The following LAMC1 variants were observed in gnomAD, a reference collection of about 807,000 sequenced individuals.
LAMC1 encodes the protein laminin subunit gamma 1.
In LAMC1, 38 loss-of-function variants were observed where a neutral mutation model predicts 173.6. The observed-to-expected ratio is 0.22, with a 90% CI of 0.17 to 0.29. The LOEUF (loss-of-function observed/expected upper bound fraction) is 0.29. LAMC1 is among the 10% of genes least tolerant of loss of function. The probability of loss-of-function intolerance (pLI) is 1.00; values close to 1 mark genes in which losing one functional copy is unlikely to be tolerated. For synonymous variants in LAMC1, 746 were observed against 749.1 expected (o/e 1.00, Z 0.07); for missense variants, 1,824 against 2,051.8 (o/e 0.89, Z 2.14).
chr1:183,136,326 A>T, intron 24 of LAMC1, 60 bp from the exon 25 acceptor site: 1 of 1,467,234 alleles, frequency 6.8e-7, no homozygotes, highest in Non-Finnish European at 9.5e-7. Flanking sequence ...GAACTCCCTG[A>T]AAGGCCCCCT....
chr1:183,102,231 T>G (rs1287619927), intron 1 of LAMC1, among the ~76,000 whole-genome samples: 1 of 152,202 alleles, frequency 6.6e-6, no homozygotes, highest in Non-Finnish European at 1.5e-5. Context: ...TCAACACTTC[T>G]GAGAGCACAG....
intron 1 of LAMC1, chr1:183,096,476 TC>T (rs1446233186): frequency 6.6e-6 from 1 of 152,194 alleles, no homozygotes. Flanking sequence ...CTTTCCATAT[TC>T]CATCTCTGTT....
chr1:183,090,437 T>G (rs1231263742), intron 1 of LAMC1, among the ~76,000 whole-genome samples: 1 of 152,216 alleles, frequency 6.6e-6, no homozygotes. Context: ...ACATTCTTAC[T>G]CGTCTGCAAA....
chr1:183,044,507 T>C (rs377546607), intron 1 of LAMC1, among the ~76,000 whole-genome samples: 23 of 152,256 alleles, frequency 1.5e-4, no homozygotes, highest in African/African-American at 5.3e-4. Flanking sequence ...CATTTAAATA[T>C]TCTTTGGCTC....
At chr1:183,089,883 C>G (rs1345500054) in intron 1 of LAMC1, among the ~76,000 whole-genome samples, 4 of 152,150 alleles carry the variant, frequency 2.6e-5, no homozygotes, top group Non-Finnish European at 5.9e-5. Context: ...TGGAGTTGCT[C>G]ATGCTAGGTA....
intron 1 of LAMC1, among the ~76,000 whole-genome samples, chr1:183,068,961 T>C (rs958617486): frequency 2.6e-5 from 4 of 151,710 alleles, no homozygotes; most frequent in African/African-American, 9.7e-5. Flanking sequence ...GAAAGAAAAG[T>C]GACACAGGTA....
chr1:183,082,798 C>T (rs116351644), intron 1 of LAMC1, among the ~76,000 whole-genome samples: 1,951 of 152,296 alleles, frequency 0.013, 17 homozygotes, highest in Middle Eastern at 0.027. Context: ...CGTATGGCAA[C>T]CATATCCCAG....
In LAMC1 at chr1:183,127,238, A is replaced by G. The variant is rs761844190; in HGVS notation, c.2957A>G (p.His986Arg). ...GPEGCKPCDCHPEGSLSLQCK... is the reference protein window; with the variant it reads ...GPEGCKPCDCRPEGSLSLQCK... ...CCTTATTCTGCAGCCTGTGACTGTC[A>G]TCCTGAGGGATCTCTTTCACTTCAG... Residue 986 changes from histidine to arginine, a missense_variant, in exon 17 of 28, where the codon CAT becomes CGT. Transcript: ENST00000258341. The G allele has an allele frequency of 1.2e-6, 2 of 1,613,954 alleles. No individual in the cohort carries two copies. Among genetic ancestry groups the G allele is most frequent in the Non-Finnish European group, 1.7e-6 (2 of 1,179,964 alleles).
At chr1:183,030,483 C>T (rs1653821867) in intron 1 of LAMC1, among the ~76,000 whole-genome samples, 1 of 152,150 alleles carries the variant, frequency 6.6e-6, no homozygotes, top group African/African-American at 2.4e-5. Context: ...TTATAAAACT[C>T]CCAGAACATT....
At position 183,058,123 on chromosome 1, in the gene LAMC1, C is replaced by T. The variant is rs568134471; in HGVS notation, c.418+33989C>T. The stretch of plus-strand genomic sequence containing the variant: ...TCTATGATGTAGTTTTCTAAAAGTT[C>T]GTCTCTATTGGCTACTTCATTTCTG... On this transcript the variant is annotated intron_variant, in intron 1 of 27. Transcript: ENST00000258341. Among the ~76,000 whole-genome samples the T allele has an allele frequency of 9.2e-5, 14 of 152,190 alleles. No homozygotes were observed. In the East Asian group the frequency reaches 2.7e-3, roughly 29 times the overall value.
chr1:183,096,256 C>T (rs1224917186), intron 1 of LAMC1, among the ~76,000 whole-genome samples: 1 of 152,106 alleles, frequency 6.6e-6, no homozygotes, highest in Non-Finnish European at 1.5e-5. Context: ...AATCTAATTT[C>T]CATAGAGATT....
intron 1 of LAMC1, among the ~76,000 whole-genome samples, chr1:183,025,056 CTA>C (rs1265580525): frequency 6.6e-6 from 1 of 152,222 alleles, no homozygotes; most frequent in Non-Finnish European, 1.5e-5. Flanking sequence ...ACAGAGGAAT[CTA>C]TGTGTGAGAA....
intron 16 of LAMC1, 126 bp from the exon 17 acceptor site, chr1:183,127,100 C>T (rs892475655): frequency 1.3e-6 from 1 of 765,810 alleles, no homozygotes; most frequent in South Asian, 2.0e-5. Context: ...CATAAATAGT[C>T]CTGTTTTTCA....
chr1:183,117,194 C>A, intron 8 of LAMC1, 126 bp from the exon 9 acceptor site: 1 of 1,016,950 alleles, frequency 9.8e-7, no homozygotes, highest in Non-Finnish European at 1.4e-6. Flanking sequence ...TCCATTTATT[C>A]AAAAAGGTTT....
chr1:183,119,988 T>C (rs889568210), intron 11 of LAMC1, among the ~76,000 whole-genome samples: 3 of 151,648 alleles, frequency 2.0e-5, no homozygotes, highest in Admixed American at 6.6e-5. Context: ...CTGGGCAACA[T>C]AGCAAGATTC....
At chr1:183,054,074 G>T (rs1654514638) in intron 1 of LAMC1, among the ~76,000 whole-genome samples, 1 of 152,210 alleles carries the variant, frequency 6.6e-6, no homozygotes, top group Non-Finnish European at 1.5e-5. Context: ...GAGGTGGGTT[G>T]ATTTGTTGTT....
chr1:183,090,914 G>C (rs1214042543), intron 1 of LAMC1, among the ~76,000 whole-genome samples: 2 of 152,070 alleles, frequency 1.3e-5, no homozygotes, highest in African/African-American at 2.4e-5. Flanking sequence ...GTTCATTTTT[G>C]TGAGCTGTAT....
intron 1 of LAMC1, among the ~76,000 whole-genome samples, chr1:183,064,659 C>T (rs1053706053): frequency 1.3e-4 from 20 of 152,060 alleles, no homozygotes; most frequent in Non-Finnish European, 1.6e-4. Context: ...TAAGGGGCAC[C>T]TCCTGTTACC....
chr1:183,039,901 T>G (rs1397640040), intron 1 of LAMC1, among the ~76,000 whole-genome samples: 1 of 152,218 alleles, frequency 6.6e-6, no homozygotes, highest in South Asian at 2.1e-4. Flanking sequence ...GAAAGGTAGG[T>G]ATCTGCTTTT....
Sources: allele counts gnomAD v4.1 joint callset (sites outside exome capture counted in the v4.1 genomes callset), GRCh38; gene constraint gnomAD v4.1.1; transcripts MANE v1.5; gene names NCBI Gene and HGNC (gene_info 2026-07-23, HGNC 2026-07-21).